MED27: variants seen among roughly 807,000 people sequenced by gnomAD.
MED27 encodes mediator of RNA polymerase II transcription subunit 27.
Under a neutral mutation model 38.2 loss-of-function variants are expected in MED27, and 30 were observed. The ratio of observed to expected loss-of-function variants is 0.79; its 90% CI spans 0.59 to 1.07. The LOEUF (loss-of-function observed/expected upper bound fraction) is 1.07. Ranked by LOEUF, MED27 falls within the 50% of genes least tolerant of loss-of-function variation. The pLI is 0.00. For missense variants in MED27, 289 were observed against 397.5 expected (o/e 0.73, Z 2.32); for synonymous variants, 122 against 153.5 (o/e 0.79, Z 1.52).
At chr9:131,871,049 T>C (rs1838824037) in intron 6 of MED27, among the ~76,000 whole-genome samples, 1 of 151,298 alleles carries the variant, frequency 6.6e-6, no homozygotes, top group Non-Finnish European at 1.5e-5. Flanking sequence ...GCGGGGAGAG[T>C]GGGATGGTCC....
At chr9:132,037,998 A>G (rs1833118773) in intron 2 of MED27, among the ~76,000 whole-genome samples, 1 of 151,892 alleles carries the variant, frequency 6.6e-6, no homozygotes, top group Non-Finnish European at 1.5e-5. Context: ...CGCAACCAAT[A>G]TGCAAGGAAT....
chr9:132,034,380 T>C (rs1833028228), intron 2 of MED27, among the ~76,000 whole-genome samples: 1 of 152,176 alleles, frequency 6.6e-6, no homozygotes, highest in Non-Finnish European at 1.5e-5. Context: ...TAAAGTCACC[T>C]ACTATCACAA....
chr9:131,969,682 C>T (rs921652011), intron 3 of MED27, among the ~76,000 whole-genome samples: 2 of 151,940 alleles, frequency 1.3e-5, no homozygotes, highest in East Asian at 1.9e-4. Context: ...AGAGCAGGTC[C>T]GGGGTGATGT....
In MED27 at chr9:131,912,354, T is replaced by TA. The variant is rs1158429703; in HGVS notation, c.574-18363dup. On this transcript the variant is annotated intron_variant, in intron 4 of 7. Coordinates refer to ENST00000292035, the MANE Select transcript of MED27 (RefSeq NM_004269.4). ...TGCACACATGAACTTCCTTAAGAAT[T>TA]AGTGTTCCAAGAAACCCACTTTGGG... 5.3e-5 allele frequency among the ~76,000 whole-genome samples: 8 copies of TA among 152,308 alleles called. No homozygotes were observed. The Middle Eastern group carries it at 0.017, about 324-fold the overall frequency.
chr9:131,974,962 T>C (rs1044345458), intron 3 of MED27, among the ~76,000 whole-genome samples: 1 of 152,158 alleles, frequency 6.6e-6, no homozygotes, highest in Non-Finnish European at 1.5e-5. Context: ...ACTTGGCTGG[T>C]AGTGGGTGTT....
intron 3 of MED27, among the ~76,000 whole-genome samples, chr9:131,977,138 G>C (rs554577353): frequency 6.6e-6 from 1 of 152,132 alleles, no homozygotes; most frequent in Non-Finnish European, 1.5e-5. Flanking sequence ...ATGATTCCTG[G>C]AACCGTATTC....
At chr9:131,910,913 A>G (rs1212439966) in intron 4 of MED27, among the ~76,000 whole-genome samples, 2 of 149,748 alleles carry the variant, frequency 1.3e-5, no homozygotes, top group African/African-American at 4.9e-5. Context: ...ATCCCTCCCC[A>G]CCCCCCACAA....
chr9:132,070,756 G>A (rs1564349328), intron 2 of MED27, among the ~76,000 whole-genome samples: 2 of 152,004 alleles, frequency 1.3e-5, no homozygotes, highest in Non-Finnish European at 2.9e-5. Flanking sequence ...CCTGTGGTTT[G>A]TCCCCAGGAT....
chr9:131,912,106 C>T (rs2131539445), intron 4 of MED27, among the ~76,000 whole-genome samples: 1 of 152,236 alleles, frequency 6.6e-6, no homozygotes, highest in South Asian at 2.1e-4. Context: ...ACCAAGAGAC[C>T]AATTAGATTC....
At chr9:131,885,105 T>C (rs190333145) in intron 5 of MED27, among the ~76,000 whole-genome samples, 122 of 152,300 alleles carry the variant, frequency 8.0e-4, no homozygotes, top group Non-Finnish European at 1.5e-3. Context: ...CAGTAGGTCT[T>C]TTCTGAGTGG....
chr9:132,025,389 T>A (rs1021165858), intron 2 of MED27, among the ~76,000 whole-genome samples: 12 of 152,142 alleles, frequency 7.9e-5, no homozygotes, highest in African/African-American at 2.9e-4. Context: ...TCCATGTTGG[T>A]AAGGCTGGTC....
chr9:131,949,985 T>C (rs1196975273), intron 3 of MED27, among the ~76,000 whole-genome samples: 1 of 151,792 alleles, frequency 6.6e-6, no homozygotes, highest in East Asian at 1.9e-4. Context: ...ATATAATTAA[T>C]AATTTCTAAA....
chr9:132,065,712 CCATATGG>C (rs1025346096), intron 2 of MED27, among the ~76,000 whole-genome samples: 15 of 152,220 alleles, frequency 9.9e-5, no homozygotes, highest in Non-Finnish European at 1.6e-4. Context: ...GGGCTGGGCC[CCATATGG>C]CTGTCTGTGG....
intron 6 of MED27, chr9:131,868,747 G>T: frequency 1.0e-6 from 1 of 985,504 alleles, no homozygotes; most frequent in African/African-American, 1.7e-5. Context: ...TGCAGATAAA[G>T]GTGCAGGCCC....
At chr9:132,068,683 A>C (rs1833863891) in intron 2 of MED27, among the ~76,000 whole-genome samples, 2 of 152,150 alleles carry the variant, frequency 1.3e-5, no homozygotes, top group Admixed American at 1.3e-4. Flanking sequence ...AAGGCATCCC[A>C]CCACGAGAAG....
intron 3 of MED27, among the ~76,000 whole-genome samples, chr9:131,960,319 T>C (rs979324735): frequency 2.0e-5 from 3 of 152,212 alleles, no homozygotes; most frequent in Non-Finnish European, 4.4e-5. Context: ...GTCGTATCAA[T>C]CACTCCGTTT....
At chr9:132,037,787 G>A (rs537995917) in intron 2 of MED27, among the ~76,000 whole-genome samples, 55 of 152,256 alleles carry the variant, frequency 3.6e-4, no homozygotes, top group African/African-American at 1.2e-3. Context: ...GGCAGCTGTA[G>A]ACTGGGAAAA....
intron 1 of MED27, among the ~76,000 whole-genome samples, chr9:132,078,439 A>G (rs1441072531): frequency 1.3e-5 from 2 of 152,196 alleles, no homozygotes; most frequent in African/African-American, 4.8e-5. Context: ...GAAAATGGAA[A>G]GAAAACAGAA....
At chr9:131,870,341 C>T (rs781440003) in intron 6 of MED27, among the ~76,000 whole-genome samples, 3 of 152,124 alleles carry the variant, frequency 2.0e-5, no homozygotes, top group Non-Finnish European at 2.9e-5. Flanking sequence ...TTAAATGGGC[C>T]GATGCAGGGA....
Sources: allele counts gnomAD v4.1 joint callset (sites outside exome capture counted in the v4.1 genomes callset), GRCh38; gene constraint gnomAD v4.1.1; transcripts MANE v1.5; gene names NCBI Gene and HGNC (gene_info 2026-07-23, HGNC 2026-07-21).